Variants in MAPK6 observed in about 807,000 individuals in gnomAD.
The protein encoded by MAPK6 is ERK-3.
A neutral mutation model predicts 59.3 loss-of-function variants in MAPK6; 19 were observed. That is an observed-to-expected ratio of 0.32 (90% CI 0.22 to 0.47). The LOEUF (loss-of-function observed/expected upper bound fraction) is 0.47, where lower values mean the gene tolerates loss of function less well. Among genes scored for constraint, MAPK6 ranks in the 20% least tolerant of loss-of-function variants. The pLI is 1.00. For synonymous variants in MAPK6, 316 were observed against 290.3 expected (o/e 1.09, Z -0.90); for missense variants, 724 against 847.9 (o/e 0.85, Z 1.81).
chr15:51,996,200 C>T (rs144235462), intron 2 of MAPK6, among the ~76,000 whole-genome samples: 1 of 152,230 alleles, frequency 6.6e-6, no homozygotes, highest in Non-Finnish European at 1.5e-5. Flanking sequence ...TTTTCCTTCC[C>T]CTTATCGTAT....
At chr15:51,989,068 C>G (rs997057152) in intron 2 of MAPK6, among the ~76,000 whole-genome samples, 1 of 145,066 alleles carries the variant, frequency 6.9e-6, no homozygotes, top group African/African-American at 2.6e-5. Flanking sequence ...CACTCCATCT[C>G]AAAATCCATA....
chr15:51,999,259 A>G (rs889443303), intron 2 of MAPK6, among the ~76,000 whole-genome samples: 6 of 151,900 alleles, frequency 3.9e-5, no homozygotes, highest in African/African-American at 1.5e-4. Context: ...TCAGCCTCCC[A>G]AAGTGCTGGG....
chr15:51,997,819 T>C (rs1452088529), intron 2 of MAPK6, among the ~76,000 whole-genome samples: 1 of 152,048 alleles, frequency 6.6e-6, no homozygotes, highest in East Asian at 1.9e-4. Context: ...CTCAAACTCC[T>C]GACCTCTGGC....
At chr15:52,012,806 G>C (rs1263085905) in intron 3 of MAPK6, among the ~76,000 whole-genome samples, 1 of 151,400 alleles carries the variant, frequency 6.6e-6, no homozygotes, top group Non-Finnish European at 1.5e-5. Flanking sequence ...GGCCAATATG[G>C]TGAAACCTCG....
rs977393778 is a variant in MAPK6 at position 52,000,288 on chromosome 15, T to G, written c.-769-3977T>G. ...CTTCTGAAGCACAAAAGTTTTTCATTTATATGAAGTCCAAGTTACCTATTT... is the reference window on the plus strand; with the variant it reads ...CTTCTGAAGCACAAAAGTTTTTCATGTATATGAAGTCCAAGTTACCTATTT... On this transcript the variant is annotated intron_variant, in intron 2 of 7. Transcript: ENST00000691380. Among the ~76,000 whole-genome samples the G allele has an allele frequency of 2.6e-5, 4 of 152,142 alleles. No homozygotes were observed. The East Asian group carries it at 7.7e-4, about 29-fold the overall frequency.
chr15:52,042,511 G>A (rs879749203), intron 1 of MAPK6, among the ~76,000 whole-genome samples: 2 of 151,986 alleles, frequency 1.3e-5, no homozygotes, highest in African/African-American at 4.8e-5. Context: ...GAAGTTTCTA[G>A]TTTGTGAGGC....
At chr15:52,056,434 C>T (rs2031986194) in intron 3 of MAPK6, among the ~76,000 whole-genome samples, 1 of 152,208 alleles carries the variant, frequency 6.6e-6, no homozygotes, top group Admixed American at 6.5e-5. Context: ...TAAAACTTCT[C>T]AAAAGATGCG....
chr15:52,014,169 A>G (rs191169319), intron 3 of MAPK6, among the ~76,000 whole-genome samples: 27 of 151,660 alleles, frequency 1.8e-4, no homozygotes, highest in Admixed American at 1.8e-3. Context: ...TCCTTCCATT[A>G]TAGTCCAACA....
upstream of MAPK6, among the ~76,000 whole-genome samples, chr15:52,016,070 G>GCGCGCGCACACACACACA: frequency 4.3e-3 from 241 of 55,416 alleles, 2 homozygotes; most frequent in Non-Finnish European, 6.5e-3. Context: ...GCGCGCGCGC[G>GCGCGCGCACACACACACA]CACACACACA....
chr15:51,992,102 G>A (rs979644561), intron 2 of MAPK6, among the ~76,000 whole-genome samples: 11 of 151,772 alleles, frequency 7.2e-5, no homozygotes, highest in Admixed American at 5.3e-4. Context: ...GGCTATAAGC[G>A]CACACCACCA....
At chr15:52,035,405 C>T (rs929247130) in intron 1 of MAPK6, among the ~76,000 whole-genome samples, 6 of 152,092 alleles carry the variant, frequency 3.9e-5, no homozygotes, top group East Asian at 1.9e-4. Context: ...GAGGCCGAGG[C>T]GGGTGGATCT....
At chr15:52,002,855 G>C (rs2057246342) in intron 2 of MAPK6, among the ~76,000 whole-genome samples, 1 of 152,090 alleles carries the variant, frequency 6.6e-6, no homozygotes, top group African/African-American at 2.4e-5. Flanking sequence ...GAGACAGAGA[G>C]AGAGAGTGTA....
At chr15:51,980,121 C>A (rs183550111) in intron 1 of MAPK6, among the ~76,000 whole-genome samples, 21 of 151,236 alleles carry the variant, frequency 1.4e-4, no homozygotes, top group African/African-American at 4.8e-4. Context: ...ATGGTGAAAC[C>A]CCATCTCTAC....
chr15:52,006,845 T>A (rs1181625161), intron 3 of MAPK6, among the ~76,000 whole-genome samples: 1 of 152,184 alleles, frequency 6.6e-6, no homozygotes, highest in African/African-American at 2.4e-5. Context: ...TTCTCTGTGG[T>A]CTCAGCACTT....
chr15:52,007,703 CAA>C (rs72079500), intron 3 of MAPK6, among the ~76,000 whole-genome samples: 7 of 126,122 alleles, frequency 5.6e-5, no homozygotes, highest in East Asian at 2.8e-4. Context: ...AGCTCTATCT[CAA>C]AAAAAAAAAA....
chr15:51,972,371 T>C (rs977843198), intron 1 of MAPK6, among the ~76,000 whole-genome samples: 8 of 151,674 alleles, frequency 5.3e-5, no homozygotes, highest in Admixed American at 4.6e-4. Flanking sequence ...ACTCAGGAGC[T>C]CAGGCAATCC....
At chr15:52,002,542 G>A (rs1340487131) in intron 2 of MAPK6, among the ~76,000 whole-genome samples, 1 of 152,188 alleles carries the variant, frequency 6.6e-6, no homozygotes, top group Non-Finnish European at 1.5e-5. Context: ...GTGAATGGCA[G>A]GGAAAGGAAA....
intron 2 of MAPK6, among the ~76,000 whole-genome samples, chr15:52,049,569 C>T (rs1223264367): frequency 1.3e-5 from 2 of 151,552 alleles, no homozygotes; most frequent in Middle Eastern, 3.4e-3. Context: ...CTCAAGTGAT[C>T]CACCTACCTC....
chr15:52,048,658 G>A (rs748700235), intron 2 of MAPK6, among the ~76,000 whole-genome samples: 1 of 152,106 alleles, frequency 6.6e-6, no homozygotes, highest in Non-Finnish European at 1.5e-5. Flanking sequence ...TGGAAGCGCG[G>A]TGGCCCCTGC....
Sources: gnomAD v4.1 joint callset for allele counts (sites outside exome capture counted in the v4.1 genomes callset) on GRCh38, gnomAD v4.1.1 for gene constraint, MANE v1.5 for transcripts, NCBI Gene and HGNC (gene_info 2026-07-23, HGNC 2026-07-21) for gene names.